Variants in CDH18 observed in about 807,000 individuals in gnomAD.
CDH18 encodes the protein cadherin-18.
Under a neutral mutation model 67.9 loss-of-function variants are expected in CDH18, and 31 were observed. The observed-to-expected ratio is 0.46, with a 90% confidence interval of 0.34 to 0.62. The LOEUF is 0.62. CDH18 is among the 20% of genes least tolerant of loss of function. The pLI is 0.01. For synonymous variants in CDH18, 362 were observed against 347.2 expected, an observed-to-expected ratio of 1.04 and a Z score of -0.48; for missense variants, 890 against 975.5, an observed-to-expected ratio of 0.91 and a Z score of 1.17.
At chr5:20,565,612 T>C (rs889852193) in intron 1 of CDH18, among the ~76,000 whole-genome samples, 2 of 152,010 alleles carry the variant, frequency 1.3e-5, no homozygotes, top group African/African-American at 4.8e-5. Flanking sequence ...TTTACTTATT[T>C]CTTAGTGCTT....
At chr5:20,120,123 A>C (rs1417845375) in intron 2 of CDH18, among the ~76,000 whole-genome samples, 1 of 152,098 alleles carries the variant, frequency 6.6e-6, no homozygotes, top group African/African-American at 2.4e-5. Context: ...TATTACAGAA[A>C]TTCACTAGAG....
intron 2 of CDH18, chr5:19,886,273 A>G (rs1788182418): frequency 6.6e-6 from 1 of 152,182 alleles, no homozygotes; most frequent in Non-Finnish European, 1.5e-5. Flanking sequence ...AGTACTTAAA[A>G]TGAAAATGCA....
chr5:19,900,660 C>T (rs945255829), intron 2 of CDH18, among the ~76,000 whole-genome samples: 1 of 151,920 alleles, frequency 6.6e-6, no homozygotes, highest in African/African-American at 2.4e-5. Context: ...GGTATAATTC[C>T]ACTTACATAC....
At chr5:20,143,793 A>C (rs1315336519) in intron 2 of CDH18, among the ~76,000 whole-genome samples, 2 of 152,316 alleles carry the variant, frequency 1.3e-5, no homozygotes, top group East Asian at 3.9e-4. Flanking sequence ...AATTAGCACA[A>C]TAATTTGTAA....
intron 1 of CDH18, among the ~76,000 whole-genome samples, chr5:20,486,613 T>C (rs1753195018): frequency 6.6e-6 from 1 of 151,126 alleles, no homozygotes; most frequent in African/African-American, 2.4e-5. Flanking sequence ...ATAAGCATGT[T>C]TTTATTAACA....
At chr5:19,926,177 G>A (rs1467249822) in intron 2 of CDH18, among the ~76,000 whole-genome samples, 2 of 152,038 alleles carry the variant, frequency 1.3e-5, no homozygotes, top group Admixed American at 1.3e-4. Flanking sequence ...TACCGTTCAA[G>A]CCTATGTTGT....
At chr5:19,879,193 A>G (rs555055681) in intron 2 of CDH18, among the ~76,000 whole-genome samples, 1 of 152,148 alleles carries the variant, frequency 6.6e-6, no homozygotes, top group South Asian at 2.1e-4. Context: ...TAAAAAAGCA[A>G]GTGTAATGTT....
chr5:19,978,764 T>G (rs1322766903), intron 2 of CDH18, among the ~76,000 whole-genome samples: 1 of 152,160 alleles, frequency 6.6e-6, no homozygotes, highest in East Asian at 1.9e-4. Flanking sequence ...ACATGATCAC[T>G]GTGTCCTCCT....
chr5:19,520,970 C>T (rs1380395702), intron 9 of CDH18, among the ~76,000 whole-genome samples, 192 bp from the exon 10 acceptor site: 2 of 152,106 alleles, frequency 1.3e-5, no homozygotes, highest in Non-Finnish European at 2.9e-5. Flanking sequence ...AAATGAACAC[C>T]ATGGCATGAC....
chr5:20,537,984 C>T lies in CDH18; in HGVS notation c.-580+37478G>A, dbSNP rs1293734216. On this transcript the variant is annotated intron_variant, in intron 1 of 14. Coordinates refer to the CDH18 transcript ENST00000507958. ...TTTCCCAACAGAGCGTAGAATTAAT[C>T]TTCTCTTTGTATTTTAGAGAGTTAA... is the stretch of plus-strand genomic sequence containing the variant. Among the ~76,000 whole-genome samples, 4 of 152,088 alleles carry T rather than the reference C, an allele frequency of 2.6e-5. No homozygotes were observed. In the East Asian group the frequency reaches 7.7e-4, roughly 29 times the overall value.
chr5:20,051,013 A>C (rs1407262774), intron 2 of CDH18, among the ~76,000 whole-genome samples: 2 of 151,902 alleles, frequency 1.3e-5, no homozygotes. Context: ...TTGTAATAAA[A>C]AGATACTTTG....
chr5:20,387,373 G>C (rs1344392340), intron 1 of CDH18, among the ~76,000 whole-genome samples: 2 of 152,068 alleles, frequency 1.3e-5, no homozygotes, highest in East Asian at 3.9e-4. Flanking sequence ...CTCTTTGTCT[G>C]TTATTTGTGT....
Position 20,110,980 on chromosome 5 carries a change from A to G in CDH18, c.-517-118966T>C, listed in dbSNP as rs966714369. ...GCTTTGATGTCTCATAGTAAAGGATAAAAGATTCCTATTCTTATTAATTAG... is the reference window on the plus strand; with the variant it reads ...GCTTTGATGTCTCATAGTAAAGGATGAAAGATTCCTATTCTTATTAATTAG... On this transcript the variant is annotated intron_variant, in intron 2 of 14. Transcript: ENST00000507958. 2.0e-5 allele frequency among the ~76,000 whole-genome samples: 3 copies of G among 152,302 alleles called. No individual in the cohort carries two copies. In the East Asian group the frequency reaches 5.8e-4, roughly 29 times the overall value.
At chr5:19,779,536 G>A (rs1581313621) in intron 3 of CDH18, among the ~76,000 whole-genome samples, 1 of 152,146 alleles carries the variant, frequency 6.6e-6, no homozygotes, top group South Asian at 2.1e-4. Context: ...ATGTTTGGAT[G>A]TAGGACTTTC....
chr5:20,558,412 A>G (rs1418029045), intron 1 of CDH18, among the ~76,000 whole-genome samples: 1 of 152,110 alleles, frequency 6.6e-6, no homozygotes, highest in Non-Finnish European at 1.5e-5. Context: ...CTACCAAGTG[A>G]GAAGAACTTG....
At chr5:19,727,911 C>T (rs889340190) in intron 4 of CDH18, among the ~76,000 whole-genome samples, 1 of 152,078 alleles carries the variant, frequency 6.6e-6, no homozygotes, top group South Asian at 2.1e-4. Flanking sequence ...TTATATTGGG[C>T]ACTTTAATAA....
chr5:19,650,877 A>G (rs1755477120), intron 5 of CDH18, among the ~76,000 whole-genome samples: 2 of 152,048 alleles, frequency 1.3e-5, no homozygotes, highest in Admixed American at 1.3e-4. Flanking sequence ...TTCTCATTTC[A>G]AGACAAAATA....
chr5:20,101,931 G>A (rs970207932), intron 2 of CDH18, among the ~76,000 whole-genome samples: 2 of 152,046 alleles, frequency 1.3e-5, no homozygotes, highest in Admixed American at 6.6e-5. Flanking sequence ...AATTAACCAG[G>A]TGTGGCGGCA....
At chr5:20,068,394 T>C (rs1292479918) in intron 2 of CDH18, among the ~76,000 whole-genome samples, 1 of 152,056 alleles carries the variant, frequency 6.6e-6, no homozygotes, top group Non-Finnish European at 1.5e-5. Context: ...TATAAAAACA[T>C]CCTCAAAATG....
Sources: gnomAD v4.1 joint callset for allele counts (sites outside exome capture counted in the v4.1 genomes callset) on GRCh38, gnomAD v4.1.1 for gene constraint, MANE v1.5 for transcripts, NCBI Gene and HGNC (gene_info 2026-07-23, HGNC 2026-07-21) for gene names.